Variants in NCOR2 observed in about 807,000 individuals in gnomAD.
NCOR2 encodes the protein nuclear receptor corepressor 2.
In NCOR2, 81 loss-of-function variants were observed where a neutral mutation model predicts 262.9. That is an observed-to-expected ratio of 0.31 (90% confidence interval 0.26 to 0.37). The LOEUF is 0.37. NCOR2 is among the 10% of genes least tolerant of loss of function. The pLI is 1.00. For synonymous variants in NCOR2, 1,659 were observed against 1,559.3 expected (o/e 1.06, Z -1.51); for missense variants, 3,385 against 3,621.4 (o/e 0.93, Z 1.68).
chr12:124,499,579 G>C (rs1339146930), upstream of NCOR2, among the ~76,000 whole-genome samples: 1 of 152,234 alleles, frequency 6.6e-6, no homozygotes, highest in Non-Finnish European at 1.5e-5. Context: ...TGGGGGGTGA[G>C]CGCAGGCTTG....
chr12:124,436,104 G>A (rs1256764906), intron 8 of NCOR2, among the ~76,000 whole-genome samples: 4 of 152,218 alleles, frequency 2.6e-5, no homozygotes, highest in Non-Finnish European at 5.9e-5. Context: ...CAGCAACTGC[G>A]AGCCTCACAC....
At chr12:124,413,963 G>A (rs1283945268) in intron 13 of NCOR2, among the ~76,000 whole-genome samples, 2 of 151,718 alleles carry the variant, frequency 1.3e-5, no homozygotes, top group African/African-American at 2.4e-5. Context: ...ATATCAGAGG[G>A]TGTCTCCACA....
At chr12:124,491,130 G>A (rs939894) in intron 1 of NCOR2, among the ~76,000 whole-genome samples, 39,712 of 152,100 alleles carry the variant, frequency 0.26, 5,702 homozygotes, top group South Asian at 0.54. Flanking sequence ...GCGAAGGGCG[G>A]TTGCATGGCC....
intron 3 of NCOR2, among the ~76,000 whole-genome samples, chr12:124,479,657 C>T (rs2047332662): frequency 1.3e-5 from 2 of 152,268 alleles, no homozygotes; most frequent in South Asian, 2.1e-4. Context: ...AAACATCTCT[C>T]CCAGGAGGCT....
At chr12:124,488,227 C>T (rs957099697) in intron 1 of NCOR2, among the ~76,000 whole-genome samples, 3 of 152,176 alleles carry the variant, frequency 2.0e-5, no homozygotes, top group African/African-American at 7.2e-5. Context: ...AAAATCAGCA[C>T]ATAAGAGCCC....
chr12:124,341,816 C>T lies in NCOR2; in HGVS notation c.5188+7G>A. The stretch of plus-strand genomic sequence containing the variant: ...ACCCAGCGGAGGTGGTCTGCCCACC[C>T]ACTCACCTCGGGGACCCGCAGCGTA... On this transcript the variant is annotated splice_region_variant and intron_variant, in intron 34 of 46. Coordinates refer to ENST00000405201, the Ensembl canonical transcript of NCOR2. 2 of 1,593,450 alleles carry T rather than the reference C, an allele frequency of 1.3e-6. No homozygotes were observed. The highest frequency in any genetic ancestry group is 2.2e-5 in the South Asian group (2 of 89,812).
chr12:124,420,625 T>C (rs1030228675), intron 12 of NCOR2, among the ~76,000 whole-genome samples: 6 of 152,220 alleles, frequency 3.9e-5, no homozygotes, highest in Non-Finnish European at 8.8e-5. Context: ...GTCTTTTCCA[T>C]GTAGATTGGG....
exon 14 of NCOR2, chr12:124,402,445 C>T: frequency 6.2e-7 from 1 of 1,614,010 alleles, no homozygotes. Context: ...CCGGCTTCTC[C>T]TCCTCCTTCT....
Position 124,400,689 on chromosome 12 carries a change from G to C in NCOR2, c.1641-16C>G, listed in dbSNP as rs377108746. ...TGTCTTCTCCCTACAGGCCAGAGAG[G>C]GGAGATAGGATGGCTTCACCCGAGC... On this transcript the variant is annotated splice_polypyrimidine_tract_variant and intron_variant, in intron 14 of 46. Transcript: ENST00000405201. 3.7e-6 allele frequency: 6 copies of C among 1,611,390 alleles called. No homozygotes were observed. In the African/African-American group the frequency reaches 8.0e-5, roughly 22 times the overall value.
At chr12:124,505,796 A>G (rs1188645172) in intron 1 of NCOR2, among the ~76,000 whole-genome samples, 1 of 152,126 alleles carries the variant, frequency 6.6e-6, no homozygotes, top group Admixed American at 6.5e-5. Context: ...GATGGCGATG[A>G]TGTTAACCAA....
intron 17 of NCOR2, among the ~76,000 whole-genome samples, chr12:124,385,369 G>A (rs541048289): frequency 6.6e-6 from 1 of 152,298 alleles, no homozygotes; most frequent in African/African-American, 2.4e-5. Context: ...TTTGCCTCCG[G>A]GTCCTCATTC....
intron 10 of NCOR2, among the ~76,000 whole-genome samples, chr12:124,428,317 G>A (rs765651039): frequency 6.6e-6 from 1 of 152,218 alleles, no homozygotes; most frequent in Non-Finnish European, 1.5e-5. Context: ...GGCTTTCTGA[G>A]CTCTGTTTTC....
chr12:124,463,880 C>A (rs2046302052), intron 5 of NCOR2, among the ~76,000 whole-genome samples: 1 of 151,888 alleles, frequency 6.6e-6, no homozygotes, highest in Admixed American at 6.6e-5. Context: ...GAGCTGGCCA[C>A]CCGCCTCCAT....
At chr12:124,373,537 T>TCAC (rs1457211836) in intron 19 of NCOR2, among the ~76,000 whole-genome samples, 2 of 88,594 alleles carry the variant, frequency 2.3e-5, no homozygotes, top group African/African-American at 1.1e-4. Context: ...CAGTGGACAG[T>TCAC]GAGGCCAGTG....
At chr12:124,394,365 T>C (rs944604979) in intron 16 of NCOR2, among the ~76,000 whole-genome samples, 1 of 152,234 alleles carries the variant, frequency 6.6e-6, no homozygotes, top group African/African-American at 2.4e-5. Context: ...GAGGTCGGTA[T>C]GCCCCGGGCA....
chr12:124,352,298 C>A (rs952920039), intron 27 of NCOR2, among the ~76,000 whole-genome samples: 1 of 152,130 alleles, frequency 6.6e-6, no homozygotes, highest in Non-Finnish European at 1.5e-5. Flanking sequence ...TGGGTTTGTA[C>A]TGCAGAAATC....
chr12:124,378,053 T>C lies in NCOR2; in HGVS notation c.2167+184A>G, dbSNP rs1242613077. Among the ~76,000 whole-genome samples, 2 of 152,032 alleles carry C rather than the reference T, an allele frequency of 1.3e-5. No individual in the cohort carries two copies. The highest frequency in any genetic ancestry group is 2.9e-5 in the Non-Finnish European group (2 of 68,030). On this transcript the variant is annotated intron_variant, in intron 18 of 46. Transcript: ENST00000405201. This position sits in a 1 kb window ranked among gnomAD's most constrained non-coding sequence, Gnocchi z 4.2. Reference sequence around the variant, plus strand: ...TCAGTATTGTTATGGCCTTCATCCTTGTGCCCATTACTGGTGAGTTTCTGG... The same window carrying C: ...TCAGTATTGTTATGGCCTTCATCCTCGTGCCCATTACTGGTGAGTTTCTGG...
chr12:124,397,109 C>T (rs1280451669), intron 16 of NCOR2, among the ~76,000 whole-genome samples: 2 of 152,144 alleles, frequency 1.3e-5, no homozygotes, highest in Non-Finnish European at 2.9e-5. Context: ...GGGACATGGG[C>T]GGGGACAGGA....
chr12:124,423,390 T>C (rs2043336061), intron 11 of NCOR2, among the ~76,000 whole-genome samples: 1 of 152,162 alleles, frequency 6.6e-6, no homozygotes, highest in African/African-American at 2.4e-5. Context: ...GGAGGGAGGC[T>C]GAGTGAGCAC....
Sources: gnomAD v4.1 joint callset for allele counts (sites outside exome capture counted in the v4.1 genomes callset) on GRCh38, gnomAD v4.1.1 for gene constraint, Gnocchi (gnomAD v3.1) non-coding constraint, MANE v1.5 for transcripts, NCBI Gene and HGNC (gene_info 2026-07-23, HGNC 2026-07-21) for gene names.